The following PTGR3 variants were observed in gnomAD, a reference collection of about 807,000 sequenced individuals.
The protein encoded by PTGR3 is prostaglandin reductase 3, also known as zinc binding alcohol dehydrogenase domain containing 2.
At chr18:75,195,126 CTTTA>C in the PTGR3 span, 1 of 152,180 alleles carries the variant, frequency 6.6e-6, no homozygotes. Context: ...ATTTGATTTT[CTTTA>C]TTTGATTTGT....
chr18:75,200,662 TC>T, the PTGR3 span: 1 of 152,090 alleles, frequency 6.6e-6, no homozygotes, highest in Admixed American at 6.6e-5. Context: ...TAATTTTAAG[TC>T]CCCCTAATCT....
chr18:75,202,320 G>T, the PTGR3 span: 1 of 1,611,798 alleles, frequency 6.2e-7, no homozygotes, highest in Non-Finnish European at 8.5e-7. Context: ...GTTGATGTCA[G>T]ATGCGTTAAC....
the PTGR3 span, among the ~76,000 whole-genome samples, chr18:75,206,119 C>G: frequency 6.6e-6 from 1 of 152,102 alleles, no homozygotes; most frequent in Non-Finnish European, 1.5e-5. Context: ...AAGTTGTTCT[C>G]GGATACATAA....
At chr18:75,196,977 T>C in the PTGR3 span, 1 of 152,194 alleles carries the variant, frequency 6.6e-6, no homozygotes, top group Non-Finnish European at 1.5e-5. Context: ...GAATATCAAC[T>C]ACTACTAAGA....
At chr18:75,208,679 C>G in the PTGR3 span, among the ~76,000 whole-genome samples, 1 of 152,148 alleles carries the variant, frequency 6.6e-6, no homozygotes, top group Admixed American at 6.5e-5. Context: ...CATTCGCCTT[C>G]GCCAGATGGC....
At chr18:75,202,277 C>A in the PTGR3 span, 1 of 1,614,122 alleles carries the variant, frequency 6.2e-7, no homozygotes, top group East Asian at 2.2e-5. Context: ...CAAAGGGAGG[C>A]TTAACTGAGG....
At chr18:75,208,941 G>A in the PTGR3 span, 36 of 1,590,472 alleles carry the variant, frequency 2.3e-5, no homozygotes, top group Non-Finnish European at 2.6e-5. Flanking sequence ...GGGCTCAGCC[G>A]GGTCACCACC....
the PTGR3 span, chr18:75,202,073 G>C: frequency 1.2e-6 from 2 of 1,614,062 alleles, no homozygotes; most frequent in South Asian, 1.1e-5. Flanking sequence ...TGATGTATGC[G>C]GTGGTGCCAC....
chr18:75,208,780 G>A, the PTGR3 span: 1 of 1,302,380 alleles, frequency 7.7e-7, no homozygotes, highest in Non-Finnish European at 9.8e-7. Flanking sequence ...TGGGGACTGC[G>A]GGAGCGGCGC....
At chr18:75,208,525 T>G in the PTGR3 span, 3 of 1,053,610 alleles carry the variant, frequency 2.8e-6, no homozygotes, top group Non-Finnish European at 2.3e-6. Context: ...AGCCTCCCCT[T>G]CTGGGTCCCG....
the PTGR3 span, among the ~76,000 whole-genome samples, chr18:75,202,849 CTT>C: frequency 1.3e-5 from 2 of 152,130 alleles, no homozygotes; most frequent in East Asian, 1.9e-4. Context: ...CAATTTAACA[CTT>C]AAGATAATAA....
the PTGR3 span, chr18:75,202,162 C>G: frequency 3.7e-6 from 6 of 1,614,110 alleles, no homozygotes; most frequent in South Asian, 1.1e-5. Context: ...GTGTACTCAG[C>G]AAAAGAACCA....
the PTGR3 span, chr18:75,201,192 T>C: frequency 1.9e-6 from 1 of 535,798 alleles, no homozygotes; most frequent in Non-Finnish European, 3.3e-6. Context: ...AATGTAAGCG[T>C]TTTCCCTCTT....
the PTGR3 span, chr18:75,199,421 A>G: frequency 6.6e-6 from 1 of 152,320 alleles, no homozygotes; most frequent in Non-Finnish European, 1.5e-5. Context: ...AGAAGCAACT[A>G]AGCCTTTTGG....
the PTGR3 span, among the ~76,000 whole-genome samples, chr18:75,203,042 C>A: frequency 6.6e-6 from 1 of 152,028 alleles, no homozygotes; most frequent in Non-Finnish European, 1.5e-5. Flanking sequence ...TTGGGTAGAG[C>A]GATTTTTATG....
At chr18:75,201,585 A>G in the PTGR3 span, 28 of 1,614,010 alleles carry the variant, frequency 1.7e-5, no homozygotes, top group East Asian at 4.5e-5. Context: ...GCTCACACAC[A>G]TCTCGAGCAA....
chr18:75,199,545 C>T, the PTGR3 span: 1 of 152,166 alleles, frequency 6.6e-6, no homozygotes, highest in Non-Finnish European at 1.5e-5. Flanking sequence ...CCTGCTCCCC[C>T]CTCCTTTGTT....
At chr18:75,206,126 A>G in the PTGR3 span, among the ~76,000 whole-genome samples, 1 of 152,254 alleles carries the variant, frequency 6.6e-6, no homozygotes, top group Non-Finnish European at 1.5e-5. Context: ...TCTCGGATAC[A>G]TAAAACAGTA....
the PTGR3 span, chr18:75,202,336 C>A: frequency 8.7e-6 from 14 of 1,601,142 alleles, no homozygotes; most frequent in Admixed American, 1.7e-4. Flanking sequence ...TTAACACCAA[C>A]AAATCTAAAA....
Sources: gnomAD v4.1 joint callset for allele counts (sites outside exome capture counted in the v4.1 genomes callset) on GRCh38, gnomAD v4.1.1 for gene constraint, MANE v1.5 for transcripts, NCBI Gene and HGNC (gene_info 2026-07-23, HGNC 2026-07-21) for gene names.